Variants in BMP7 observed in about 807,000 individuals in gnomAD.
The protein encoded by BMP7 is osteogenic protein 1.
A neutral mutation model predicts 41.2 loss-of-function variants in BMP7; 12 were observed. The ratio of observed to expected loss-of-function variants is 0.29; its 90% CI spans 0.19 to 0.47. The LOEUF is 0.47. BMP7 is among the 20% of genes least tolerant of loss of function. BMP7 has a pLI of 0.99. For missense variants in BMP7, 467 were observed against 606.0 expected (o/e 0.77, Z 2.41); for synonymous variants, 248 against 250.0 (o/e 0.99, Z 0.07).
chr20:57,236,764 A>T (rs1439644482), intron 1 of BMP7, among the ~76,000 whole-genome samples: 6 of 42,710 alleles, frequency 1.4e-4, no homozygotes, highest in African/African-American at 4.0e-4. Flanking sequence ...AGCCATGCAT[A>T]AAAAAAAAAA....
rs372805587 is a variant in BMP7, at chr20:57,212,405, C to A, written c.612-9782G>T. On this transcript the variant is annotated intron_variant, in intron 2 of 6. Transcript: ENST00000395863. ...TCAGGTCTTGCTGAGCGCTGGGAAG[C>A]CGGGAGGAGTTCTAAGCAGGAGTGG... 1.1e-3 allele frequency among the ~76,000 whole-genome samples: 167 copies of A among 152,282 alleles called. 1 individual carries two copies. In the South Asian group the frequency reaches 0.025, roughly 23 times the overall value.
intron 2 of BMP7, among the ~76,000 whole-genome samples, chr20:57,216,714 T>C (rs1985041317): frequency 6.6e-6 from 1 of 152,020 alleles, no homozygotes; most frequent in African/African-American, 2.4e-5. Flanking sequence ...AGCTCCCACA[T>C]AGGGGAAGGT....
intron 2 of BMP7, among the ~76,000 whole-genome samples, chr20:57,219,098 T>C (rs1301025014): frequency 3.2e-5 from 4 of 125,442 alleles, no homozygotes; most frequent in Non-Finnish European, 5.9e-5. Flanking sequence ...TGGTAGCTGG[T>C]GTTTGGTGGT....
chr20:57,252,502 A>G (rs2066117802), intron 1 of BMP7, among the ~76,000 whole-genome samples: 3 of 152,246 alleles, frequency 2.0e-5, no homozygotes, highest in Non-Finnish European at 4.4e-5. Flanking sequence ...ACGTCCGAAG[A>G]TAAAAATAAA....
Position 57,169,293 on chromosome 20 carries a change from T to C in BMP7, c.*1666A>G, listed in dbSNP as rs1983760426. ...AAGACCGGGTTCCACATGGCCACAG[T>C]TTTCGATCACCTTGTTTTCTTTACA... is the stretch of plus-strand genomic sequence containing the variant. On this transcript the variant is annotated 3_prime_UTR_variant, in exon 7 of 7. Coordinates refer to ENST00000395863, the MANE Select transcript of BMP7 (RefSeq NM_001719.3). The C allele has an allele frequency of 6.6e-6, 1 of 152,174 alleles. No individual in the cohort carries two copies. 9.4% of individuals were successfully genotyped at this position (152,174 alleles called of 1,614,324 possible). A position where few individuals can be genotyped will look rare whatever the true frequency, so the allele number is the denominator to read the frequency against.
At position 57,223,565 on chromosome 20, in the gene BMP7, G is replaced by A. The variant is rs867842336; in HGVS notation, c.611+4664C>T. On this transcript the variant is annotated intron_variant, in intron 2 of 6. Coordinates refer to ENST00000395863, the MANE Select transcript of BMP7 (RefSeq NM_001719.3). ...CTGAAATCTAAGAGCCTGGGTTTGA[G>A]CCCCACCTCTGCCACTTTGTAGCTG... 5.9e-5 allele frequency among the ~76,000 whole-genome samples: 9 copies of A among 152,318 alleles called. No individual in the cohort carries two copies. In the Middle Eastern group the frequency reaches 0.01, roughly 173 times the overall value.
intron 1 of BMP7, among the ~76,000 whole-genome samples, chr20:57,252,546 CT>C (rs1276521766): frequency 6.6e-6 from 1 of 152,234 alleles, no homozygotes; most frequent in Non-Finnish European, 1.5e-5. Flanking sequence ...GTTTAATAAA[CT>C]TTTAGCATCA....
rs1983785234 is a variant in BMP7, at chr20:57,170,281, G to A, written c.*678C>T. ...CAAAGATCAACACACCGCCCTCCTC[G>A]GAGCAGACATTTGCTCTTTCCCCTC... On this transcript the variant is annotated 3_prime_UTR_variant, in exon 7 of 7. Transcript: ENST00000395863. 3 of 156,630 alleles carry A rather than the reference G, an allele frequency of 1.9e-5. No homozygotes were observed. Among genetic ancestry groups the A allele is most frequent in the South Asian group, 3.9e-4 (2 of 5,134 alleles). 9.7% of individuals were successfully genotyped at this position (156,630 alleles called of 1,614,324 possible).
intron 4 of BMP7, among the ~76,000 whole-genome samples, chr20:57,176,431 T>C (rs773757725): frequency 5.9e-5 from 9 of 152,304 alleles, no homozygotes; most frequent in Middle Eastern, 6.8e-3. Context: ...CCATCCCAAC[T>C]GGCTGCCCTG....
At chr20:57,232,852 TAC>T (rs60368986) in intron 1 of BMP7, among the ~76,000 whole-genome samples, 22,595 of 137,790 alleles carry the variant, frequency 0.16, 1,978 homozygotes, top group East Asian at 0.29. Flanking sequence ...AGTCATGAAG[TAC>T]ACACACACAC....
intron 3 of BMP7, among the ~76,000 whole-genome samples, chr20:57,198,820 T>C (rs1984560462): frequency 6.6e-6 from 1 of 152,146 alleles, no homozygotes; most frequent in East Asian, 1.9e-4. Context: ...CTGCGATGGC[T>C]GCGCCCCGCT....
chr20:57,185,804 C>G (rs533135553), intron 3 of BMP7, among the ~76,000 whole-genome samples: 1 of 152,226 alleles, frequency 6.6e-6, no homozygotes, highest in East Asian at 1.9e-4. Flanking sequence ...TAGCTCAGGG[C>G]AGAGCTTTGC....
At chr20:57,201,319 T>G (rs531896987) in intron 3 of BMP7, among the ~76,000 whole-genome samples, 2 of 152,232 alleles carry the variant, frequency 1.3e-5, no homozygotes, top group East Asian at 3.9e-4. Flanking sequence ...CGTCACACAG[T>G]GTGTGGGTGG....
chr20:57,200,278 C>T (rs1380875612), intron 3 of BMP7, among the ~76,000 whole-genome samples: 2 of 152,226 alleles, frequency 1.3e-5, no homozygotes, highest in Non-Finnish European at 2.9e-5. Flanking sequence ...AAGTGACTCA[C>T]CCTAGGTCAC....
At chr20:57,175,611 A>G (rs1983906021) in intron 4 of BMP7, among the ~76,000 whole-genome samples, 1 of 152,206 alleles carries the variant, frequency 6.6e-6, no homozygotes, top group Admixed American at 6.5e-5. Flanking sequence ...GTTTTCCAGA[A>G]CTACGTAAAT....
Position 57,188,648 on chromosome 20 carries a change from CAG to C in BMP7, c.761-4731_761-4730del, listed in dbSNP as rs1984278253. ...TTTTTTAAAAAACTAAAAAGCAAAA[CAG>C]GGGTGGGAATGACCCACTCACTGTG... On this transcript the variant is annotated intron_variant, in intron 3 of 6. Transcript: ENST00000395863. Among the ~76,000 whole-genome samples the C allele has an allele frequency of 2.6e-5, 4 of 151,278 alleles. No homozygotes were observed. In the South Asian group the frequency reaches 8.4e-4, roughly 32 times the overall value.
rs1203494810 is a variant in BMP7 at position 57,202,635 on chromosome 20, G to A, written c.612-12C>T. 6.3e-6 allele frequency: 10 copies of A among 1,589,674 alleles called. No homozygotes were observed. In the African/African-American group the frequency reaches 6.7e-5, roughly 11 times the overall value. On this transcript the variant is annotated splice_polypyrimidine_tract_variant and intron_variant, in intron 2 of 6. Transcript: ENST00000395863. ...AGAGATCCGATTCCCTGCGAGAGAG[G>A]AGGAGAGACACGGGCTTCGCGTTAG...
In BMP7 at chr20:57,202,605, C is replaced by G; in HGVS notation, c.630G>C (p.Leu210=). The G allele has an allele frequency of 1.2e-6, 2 of 1,611,948 alleles. No individual in the cohort carries two copies. The highest frequency in any genetic ancestry group is 1.7e-6 in the Non-Finnish European group (2 of 1,179,994). The change falls in exon 3 of 7, where the codon CTG becomes CTC. Residue 210 remains leucine, a synonymous_variant. Transcript: ENST00000395863. Reference sequence around the variant, plus strand: ...AGGCCCAGAGGGTACGGCTGTCGAGCAGGAAGAGATCCGATTCCCTGCGAG... The same window carrying G: ...AGGCCCAGAGGGTACGGCTGTCGAGGAGGAAGAGATCCGATTCCCTGCGAG... ...EHLGRESDLF[L]LDSRTLWASE...
chr20:57,247,379 GT>G (rs1177425271), intron 1 of BMP7, among the ~76,000 whole-genome samples: 1 of 152,188 alleles, frequency 6.6e-6, no homozygotes, highest in Admixed American at 6.5e-5. Context: ...GGCTGCTGTG[GT>G]TCCAAGCAAC....
Sources: gnomAD v4.1 joint callset for allele counts (sites outside exome capture counted in the v4.1 genomes callset) on GRCh38, gnomAD v4.1.1 for gene constraint, MANE v1.5 for transcripts, NCBI Gene and HGNC (gene_info 2026-07-23, HGNC 2026-07-21) for gene names.